ZNF571: variants seen among roughly 807,000 people sequenced by gnomAD.
The protein encoded by ZNF571 is zinc finger protein 571.
A neutral mutation model predicts 7.7 loss-of-function variants in ZNF571; 4 were observed. The ratio of observed to expected loss-of-function variants is 0.52; its 90% CI spans 0.25 to 1.18. ZNF571 has a LOEUF of 1.18. Ranked by LOEUF, ZNF571 falls within the 50% of genes most tolerant of loss-of-function variation. ZNF571 has a pLI of 0.14. For missense variants in ZNF571, 704 were observed against 726.9 expected, an observed-to-expected ratio of 0.97 and a Z score of 0.36; for synonymous variants, 251 against 232.4, an observed-to-expected ratio of 1.08 and a Z score of -0.73.
rs149119853 is a variant in ZNF571 at position 37,564,274 on chromosome 19, T to A, written c.*324A>T. The A allele has an allele frequency of 3.4e-4, 65 of 190,166 alleles. No homozygotes were observed. Among genetic ancestry groups the A allele is most frequent in the African/African-American group, 1.5e-3 (63 of 43,110 alleles). The allele number at this position is 190,166 out of a possible 1,614,324, so 11.8% of individuals were successfully genotyped here. A position where few individuals can be genotyped will look rare whatever the true frequency, so the allele number is the denominator to read the frequency against. On this transcript the variant is annotated 3_prime_UTR_variant, in exon 4 of 4. Coordinates refer to ENST00000451802, the MANE Select transcript of ZNF571 (RefSeq NM_016536.5). ...CAGATGCTATCGAAAGGGAATTATA[T>A]GTATTTAATTATAATTTAGTCATTG...
chr19:37,572,762 A>C (rs2043108574), intron 3 of ZNF571, among the ~76,000 whole-genome samples: 5 of 152,208 alleles, frequency 3.3e-5, no homozygotes, highest in East Asian at 1.9e-4. Context: ...AAATAAAATT[A>C]ATTAATTTCT....
At chr19:37,583,903 G>C in intron 3 of ZNF571, 68 bp downstream of exon 3, 6 of 1,504,888 alleles carry the variant, frequency 4.0e-6, no homozygotes, top group Non-Finnish European at 5.4e-6. Context: ...ATGGAGATCA[G>C]AAATTCACAA....
intron 1 of ZNF571, among the ~76,000 whole-genome samples, chr19:37,588,211 A>G (rs948950378): frequency 5.9e-5 from 9 of 152,078 alleles, no homozygotes; most frequent in Non-Finnish European, 1.2e-4. Context: ...CATATGATAT[A>G]CAAATTAAAT....
chr19:37,568,922 T>C (rs956894244), intron 3 of ZNF571, among the ~76,000 whole-genome samples: 29 of 151,874 alleles, frequency 1.9e-4, no homozygotes, highest in Admixed American at 1.4e-3. Context: ...TGTTACCTTA[T>C]CACCAACACC....
At chr19:37,593,768 G>A (rs1395409118) in intron 1 of ZNF571, among the ~76,000 whole-genome samples, 1 of 152,098 alleles carries the variant, frequency 6.6e-6, no homozygotes, top group African/African-American at 2.4e-5. Flanking sequence ...TGGGTGGAAA[G>A]GAGAGGTGTA....
At chr19:37,576,446 A>G (rs963926127) in intron 3 of ZNF571, among the ~76,000 whole-genome samples, 1 of 152,218 alleles carries the variant, frequency 6.6e-6, no homozygotes, top group Non-Finnish European at 1.5e-5. Flanking sequence ...ACTAATTAGC[A>G]GCTCGTAAAA....
intron 3 of ZNF571, among the ~76,000 whole-genome samples, chr19:37,571,206 C>T (rs1018943520): frequency 8.5e-5 from 13 of 152,068 alleles, no homozygotes; most frequent in Admixed American, 7.9e-4. Context: ...CTTACAAATT[C>T]AAACTACGAT....
intron 2 of ZNF571, 88 bp from the exon 3 acceptor site, chr19:37,584,185 G>C: frequency 6.3e-7 from 1 of 1,585,526 alleles, no homozygotes; most frequent in Non-Finnish European, 8.6e-7. Context: ...ATTGAAGGAA[G>C]CAAGTAACAC....
intron 3 of ZNF571, among the ~76,000 whole-genome samples, chr19:37,580,937 C>T (rs1407061786): frequency 1.3e-5 from 2 of 152,208 alleles, no homozygotes; most frequent in Non-Finnish European, 2.9e-5. Context: ...ACACCTATTA[C>T]ACTTGAATTA....
rs756214598 is a variant in ZNF571 at position 37,564,664 on chromosome 19, A to C, written c.1764T>G (p.Cys588Trp). 1.9e-6 allele frequency: 3 copies of C among 1,610,234 alleles called. No homozygotes were observed. Among genetic ancestry groups the C allele is most frequent in the Non-Finnish European group, 1.7e-6 (2 of 1,178,140 alleles). Residue 588 changes from cysteine (C) to tryptophan (W), a missense_variant, in exon 4 of 4, where the codon TGT (cysteine) becomes TGG (tryptophan). By Grantham distance (215) the Cys-to-Trp change is radical (BLOSUM62 -2). Coordinates refer to ENST00000451802, the MANE Select transcript of ZNF571 (RefSeq NM_016536.5). Reference sequence around the variant, plus strand: ...ATCTAAAGTCTTTACCACACTGGACACATGTATAGGGTTTCTCACCAGTAT... The same window carrying C: ...ATCTAAAGTCTTTACCACACTGGACCCATGTATAGGGTTTCTCACCAGTAT... Reference protein sequence around the residue: ...RIHTGEKPYTCVQCGKDFRCP... With the variant: ...RIHTGEKPYTWVQCGKDFRCP...
At chr19:37,584,253 C>T in intron 2 of ZNF571, 156 bp from the exon 3 acceptor site, 2 of 906,380 alleles carry the variant, frequency 2.2e-6, no homozygotes, top group South Asian at 3.4e-5. Flanking sequence ...TCTATCATTC[C>T]TATTGCCACA....
intron 3 of ZNF571, among the ~76,000 whole-genome samples, chr19:37,572,625 T>C (rs1847526917): frequency 6.6e-6 from 1 of 152,230 alleles, no homozygotes; most frequent in South Asian, 2.1e-4. Context: ...GGGGAACTGC[T>C]GTTTTTGCTA....
chr19:37,566,369 G>T, intron 3 of ZNF571, 78 bp from the exon 4 acceptor site: 1 of 1,461,884 alleles, frequency 6.8e-7, no homozygotes, highest in Non-Finnish European at 9.2e-7. Flanking sequence ...AATGATAGAT[G>T]AAAATAATTC....
rs115993372 is a variant in ZNF571 at position 37,565,750 on chromosome 19, G to A, written c.678C>T (p.Asn226=). 75 of 1,613,346 alleles carry A rather than the reference G, an allele frequency of 4.6e-5. No homozygotes were observed. Among genetic ancestry groups the A allele is most frequent in the Middle Eastern group, 3.3e-4 (2 of 6,052 alleles). The part of the protein sequence containing the change: ...IHTNEKPYQC[N]ACGKAFIRGS... ...CACGAATAAAAGCTTTCCCACATGC[G>A]TTACACTGATAAGGTTTTTCATTAG... Residue 226 remains asparagine, a synonymous_variant, in exon 4 of 4, where the codon AAC becomes AAT. Transcript: ENST00000451802.
At chr19:37,578,528 GAT>G (rs2043325910) in intron 3 of ZNF571, among the ~76,000 whole-genome samples, 1 of 152,198 alleles carries the variant, frequency 6.6e-6, no homozygotes, top group African/African-American at 2.4e-5. Flanking sequence ...ACAAGCCCCG[GAT>G]CCCTGAGCAG....
intron 1 of ZNF571, among the ~76,000 whole-genome samples, chr19:37,593,727 A>C (rs910524389): frequency 3.3e-5 from 5 of 152,082 alleles, no homozygotes; most frequent in African/African-American, 1.2e-4. Context: ...CAAACAAAAA[A>C]ATCTTAGACC....
At chr19:37,566,745 G>C (rs1392544095) in intron 3 of ZNF571, among the ~76,000 whole-genome samples, 5 of 152,014 alleles carry the variant, frequency 3.3e-5, no homozygotes, top group Non-Finnish European at 1.5e-5. Flanking sequence ...TTTCATCCTT[G>C]CTTCTATGAT....
At chr19:37,589,578 G>A (rs1176320611) in intron 1 of ZNF571, among the ~76,000 whole-genome samples, 3 of 152,000 alleles carry the variant, frequency 2.0e-5, no homozygotes, top group Non-Finnish European at 2.9e-5. Context: ...GAAGACTTCT[G>A]AATCCAATAT....
chr19:37,567,400 A>T (rs1315570541), intron 3 of ZNF571, among the ~76,000 whole-genome samples: 1 of 152,220 alleles, frequency 6.6e-6, no homozygotes, highest in Non-Finnish European at 1.5e-5. Context: ...TAGAGCTAAT[A>T]ATCTTTCAAT....
Sources: allele counts gnomAD v4.1 joint callset (sites outside exome capture counted in the v4.1 genomes callset), GRCh38; gene constraint gnomAD v4.1.1; transcripts MANE v1.5; gene names NCBI Gene and HGNC (gene_info 2026-07-23, HGNC 2026-07-21).